Variants in SUPT3H observed in about 807,000 individuals in gnomAD.
SUPT3H encodes transcription initiation protein SPT3 homolog.
A neutral mutation model predicts 44.3 loss-of-function variants in SUPT3H; 44 were observed. That is an observed-to-expected ratio of 0.99 (90% CI 0.78 to 1.28). The LOEUF (loss-of-function observed/expected upper bound fraction) is 1.28, where lower values mean the gene tolerates loss of function less well. SUPT3H is among the 50% of genes most tolerant of loss of function. The pLI, the probability that SUPT3H is intolerant of heterozygous loss-of-function variation, is 0.00. For missense variants in SUPT3H, 380 were observed against 387.1 expected (o/e 0.98, Z 0.15); for synonymous variants, 124 against 125.6 (o/e 0.99, Z 0.09).
intron 10 of SUPT3H, among the ~76,000 whole-genome samples, chr6:44,909,609 T>C (rs1383150425): frequency 2.0e-5 from 3 of 152,178 alleles, no homozygotes; most frequent in Non-Finnish European, 4.4e-5. Flanking sequence ...ACGAAGACTG[T>C]TCACTTTTAT....
chr6:44,956,499 AAAATAAAAAAAAAAAAG>A (rs1562131524), intron 7 of SUPT3H, among the ~76,000 whole-genome samples: 2 of 8,770 alleles, frequency 2.3e-4, no homozygotes, highest in African/African-American at 8.3e-4. Context: ...AAAAAAAATA[AAAATAAAAAAAAAAAAG>A]TGTCTATTAC....
chr6:45,126,512 G>C (rs974029178), intron 2 of SUPT3H, among the ~76,000 whole-genome samples: 1 of 151,994 alleles, frequency 6.6e-6, no homozygotes, highest in East Asian at 1.9e-4. Flanking sequence ...TTTTAACTTA[G>C]GCAAACAGCT....
intron 10 of SUPT3H, among the ~76,000 whole-genome samples, chr6:44,906,124 G>T (rs1766021003): frequency 6.6e-6 from 1 of 152,144 alleles, no homozygotes; most frequent in South Asian, 2.1e-4. Flanking sequence ...GTATACATAT[G>T]TAACTAACCT....
At chr6:44,912,606 G>A (rs1052985645) in intron 10 of SUPT3H, among the ~76,000 whole-genome samples, 2 of 152,144 alleles carry the variant, frequency 1.3e-5, no homozygotes, top group Admixed American at 1.3e-4. Context: ...CCTGGTCTGA[G>A]AGCAGTAGTG....
Position 44,906,184 on chromosome 6 carries a change from T to C in SUPT3H, c.912+26469A>G, listed in dbSNP as rs551374927. On this transcript the variant is annotated intron_variant, in intron 10 of 10. Coordinates refer to ENST00000371459, the MANE Select transcript of SUPT3H (RefSeq NM_003599.4). Reference sequence around the variant, plus strand: ...AACCTAAAGTATAATAAAACTATTTTAGTTATTTTGAAGAAATATAAAGCC... The same window carrying C: ...AACCTAAAGTATAATAAAACTATTTCAGTTATTTTGAAGAAATATAAAGCC... Among the ~76,000 whole-genome samples, 3 of 152,278 alleles carry C rather than the reference T, an allele frequency of 2.0e-5. No homozygotes were observed. The South Asian group carries it at 6.2e-4, about 32-fold the overall frequency.
chr6:45,230,686 A>ATATATATATATATTTT (rs796866510), intron 2 of SUPT3H, among the ~76,000 whole-genome samples: 1 of 116,794 alleles, frequency 8.6e-6, no homozygotes, highest in South Asian at 3.1e-4. Flanking sequence ...ATATATATAT[A>ATATATATATATATTTT]TTTTTGAGAT....
At position 45,130,767 on chromosome 6, in the gene SUPT3H, G is replaced by C. The variant is rs1803354937; in HGVS notation, c.102-24761C>G. Among the ~76,000 whole-genome samples the C allele has an allele frequency of 1.4e-5, 2 of 146,606 alleles. 1 individual carries two copies. The highest frequency in any genetic ancestry group is 3.0e-5 in the Non-Finnish European group (2 of 67,092). On this transcript the variant is annotated intron_variant, in intron 2 of 10. Transcript: ENST00000371459. Reference sequence around the variant, plus strand: ...AGTTTTACTCTTGTTGCCCAGGCTGGAGGGCAATGGCATGATCTCGGCTCA... The same window carrying C: ...AGTTTTACTCTTGTTGCCCAGGCTGCAGGGCAATGGCATGATCTCGGCTCA...
At chr6:44,939,601 C>T (rs1772068174) in intron 9 of SUPT3H, among the ~76,000 whole-genome samples, 1 of 152,006 alleles carries the variant, frequency 6.6e-6, no homozygotes, top group Non-Finnish European at 1.5e-5. Context: ...GAATTCCCTA[C>T]TCCTTAATTT....
At chr6:45,050,278 AGTGTGT>A (rs57510967) in intron 3 of SUPT3H, among the ~76,000 whole-genome samples, 48 of 147,412 alleles carry the variant, frequency 3.3e-4, no homozygotes, top group Middle Eastern at 3.5e-3. Flanking sequence ...CTTTTTCTGC[AGTGTGT>A]GTGTGTGTGT....
rs143554005 is a variant in SUPT3H, at chr6:44,898,154, C to T, written c.912+34499G>A. Among the ~76,000 whole-genome samples, 332 of 152,276 alleles carry T rather than the reference C, an allele frequency of 2.2e-3. 1 individual carries two copies. The highest frequency in any genetic ancestry group is 7.6e-3 in the African/African-American group (317 of 41,556). On this transcript the variant is annotated intron_variant, in intron 10 of 10. Coordinates refer to ENST00000371459, the MANE Select transcript of SUPT3H (RefSeq NM_003599.4). ...TGTTAACTTGAAGTAGAAATGATCTCTTATCCTAAAGATTATATCCTTCTT... is the reference window on the plus strand; with the variant it reads ...TGTTAACTTGAAGTAGAAATGATCTTTTATCCTAAAGATTATATCCTTCTT...
intron 10 of SUPT3H, among the ~76,000 whole-genome samples, chr6:44,835,464 GTT>G (rs1470361260): frequency 0.032 from 173 of 5,472 alleles, no homozygotes; most frequent in African/African-American, 0.12. Flanking sequence ...GAGGGTTGAG[GTT>G]GAAAGGGATG....
chr6:45,297,463 T>C (rs1584778146), intron 2 of SUPT3H, among the ~76,000 whole-genome samples: 1 of 152,332 alleles, frequency 6.6e-6, no homozygotes, highest in South Asian at 2.1e-4. Flanking sequence ...GTTTGTGTTA[T>C]ACAAAAATTA....
intron 2 of SUPT3H, among the ~76,000 whole-genome samples, chr6:45,342,184 T>C (rs1367888623): frequency 1.3e-5 from 2 of 152,104 alleles, no homozygotes; most frequent in African/African-American, 4.8e-5. Context: ...GGGTTTTTAT[T>C]ATAAATAGAA....
chr6:44,839,980 G>T (rs1309371564), intron 10 of SUPT3H, among the ~76,000 whole-genome samples: 3 of 152,200 alleles, frequency 2.0e-5, no homozygotes, highest in Non-Finnish European at 4.4e-5. Flanking sequence ...GATTACAGGC[G>T]TGAGCCACCG....
intron 2 of SUPT3H, among the ~76,000 whole-genome samples, chr6:45,176,364 G>C (rs113222538): frequency 0.049 from 7,424 of 151,340 alleles, 244 homozygotes; most frequent in South Asian, 0.11. Flanking sequence ...GCGCTTTTCA[G>C]ACCGGCTTAA....
intron 10 of SUPT3H, among the ~76,000 whole-genome samples, chr6:44,868,602 C>T (rs1775879977): frequency 6.6e-6 from 1 of 152,188 alleles, no homozygotes; most frequent in African/African-American, 2.4e-5. Context: ...CCACCATTCC[C>T]TCTAAGACTC....
At chr6:45,063,863 G>T (rs1163173864) in intron 3 of SUPT3H, among the ~76,000 whole-genome samples, 10 of 139,032 alleles carry the variant, frequency 7.2e-5, no homozygotes, top group African/African-American at 2.7e-4. Context: ...AGGGAGAATG[G>T]AACCAAGTTG....
chr6:45,249,682 A>C (rs977707901), intron 2 of SUPT3H, among the ~76,000 whole-genome samples: 2 of 152,110 alleles, frequency 1.3e-5, no homozygotes, highest in African/African-American at 4.8e-5. Flanking sequence ...CAGAACTCCA[A>C]ATCCCTTTTC....
intron 1 of SUPT3H, among the ~76,000 whole-genome samples, chr6:45,368,192 T>C (rs1795474008): frequency 6.6e-6 from 1 of 152,198 alleles, no homozygotes; most frequent in South Asian, 2.1e-4. Context: ...TGCCATATTT[T>C]ACAAAATGAA....
Sources: gnomAD v4.1 joint callset for allele counts (sites outside exome capture counted in the v4.1 genomes callset) on GRCh38, gnomAD v4.1.1 for gene constraint, MANE v1.5 for transcripts, NCBI Gene and HGNC (gene_info 2026-07-23, HGNC 2026-07-21) for gene names.